CAGE1: variants seen among roughly 807,000 people sequenced by gnomAD.
CAGE1 encodes cancer-associated gene 1 protein.
Under a neutral mutation model 94.9 loss-of-function variants are expected in CAGE1, and 66 were observed. The observed-to-expected ratio is 0.70, with a 90% CI of 0.57 to 0.85. CAGE1 has a LOEUF of 0.85. CAGE1 is among the 40% of genes least tolerant of loss of function. The probability of loss-of-function intolerance (pLI) is 0.00; values close to 1 mark genes in which losing one functional copy is unlikely to be tolerated. For missense variants in CAGE1, 865 were observed against 950.4 expected, an observed-to-expected ratio of 0.91 and a Z score of 1.18; for synonymous variants, 319 against 321.0, an observed-to-expected ratio of 0.99 and a Z score of 0.07.
At chr6:7,331,838 A>G (rs1401875459) in intron 12 of CAGE1, among the ~76,000 whole-genome samples, 3 of 152,216 alleles carry the variant, frequency 2.0e-5, no homozygotes, top group Non-Finnish European at 2.9e-5. Context: ...TGCAAATGGT[A>G]TGCTGAACAA....
At chr6:7,356,778 A>G (rs1196477179) in intron 9 of CAGE1, among the ~76,000 whole-genome samples, 1 of 152,174 alleles carries the variant, frequency 6.6e-6, no homozygotes, top group Non-Finnish European at 1.5e-5. Context: ...ATGTTAAATG[A>G]CTTTTAATCA....
At chr6:7,335,184 T>C (rs1237041156) in intron 11 of CAGE1, among the ~76,000 whole-genome samples, 1 of 152,172 alleles carries the variant, frequency 6.6e-6, no homozygotes, top group Non-Finnish European at 1.5e-5. Context: ...TAAGGACCCC[T>C]GTGATTGCAT....
At chr6:7,369,377 T>C (rs77371854) in intron 6 of CAGE1, among the ~76,000 whole-genome samples, 1 of 152,034 alleles carries the variant, frequency 6.6e-6, no homozygotes, top group East Asian at 1.9e-4. Flanking sequence ...AAGCATCATT[T>C]CCCCATCTTA....
In CAGE1 at chr6:7,355,012, A is replaced by C. The variant is rs377335903; in HGVS notation, c.2369+29T>G. 5 of 1,544,242 alleles carry C rather than the reference A, an allele frequency of 3.2e-6. No individual in the cohort carries two copies. The African/African-American group carries it at 6.8e-5, about 21-fold the overall frequency. ...GAATAAGGTATTAGTAAATATTCAC[A>C]AAATTAAGGATTCGTTTTTTCAACT... On this transcript the variant is annotated intron_variant, in intron 11 of 13. Transcript: ENST00000502583.
intron 12 of CAGE1, 26 bp downstream of exon 12, chr6:7,333,996 A>C (rs1354834049): frequency 7.1e-7 from 1 of 1,404,278 alleles, no homozygotes. Context: ...AGACATTATT[A>C]ATTTTAAAAA....
intron 5 of CAGE1, among the ~76,000 whole-genome samples, chr6:7,372,466 C>CT (rs1760570316): frequency 2.2e-5 from 2 of 89,302 alleles, no homozygotes; most frequent in South Asian, 6.0e-4. Context: ...GCAATACTGT[C>CT]TCAAAAAAAA....
Position 7,378,952 on chromosome 6 carries a change from A to T in CAGE1, c.352T>A (p.Leu118Met). The T allele has an allele frequency of 6.3e-7, 1 of 1,583,506 alleles. No homozygotes were observed. The highest frequency in any genetic ancestry group is 8.6e-7 in the Non-Finnish European group (1 of 1,163,130). The change falls in exon 4 of 14, where the codon TTG becomes ATG. Residue 118 changes from leucine (L) to methionine (M), a missense_variant. Leu to Met is a conservative substitution (Grantham distance 15). Transcript: ENST00000502583. The stretch of plus-strand genomic sequence containing the variant: ...TTGCAAACGGTTTCAAATTGTCTCA[A>T]GGAAGATATGCTGATGGTGTCAACT... ...QPVDTISISS[L>M]RQFETVCKFH...
intron 11 of CAGE1, among the ~76,000 whole-genome samples, chr6:7,337,436 GC>G (rs1397852453): frequency 1.3e-5 from 2 of 150,550 alleles, no homozygotes; most frequent in African/African-American, 4.9e-5. Context: ...AGAAATTGTT[GC>G]CTAACCCAAA....
chr6:7,365,733 C>T (rs1016441657), intron 8 of CAGE1, 71 bp downstream of exon 8: 1 of 1,339,756 alleles, frequency 7.5e-7, no homozygotes, highest in Non-Finnish European at 1.0e-6. Context: ...ACAAATTTAC[C>T]AAAAGAACAT....
chr6:7,358,031 T>G (rs191561019), intron 9 of CAGE1, among the ~76,000 whole-genome samples: 114 of 19,526 alleles, frequency 5.8e-3, no homozygotes, highest in South Asian at 0.03. Context: ...TTTTGAGATA[T>G]ATATATATAT....
Position 7,374,197 on chromosome 6 carries a change from A to C in CAGE1, c.688-66T>G, listed in dbSNP as rs1760656125. On this transcript the variant is annotated intron_variant, in intron 4 of 13. Transcript: ENST00000502583. Reference sequence around the variant, plus strand: ...AAGATAATGAGCTTTCAAGTCAAATAGGGCTGGCCTTGAATTCTATTAGTA... The same window carrying C: ...AAGATAATGAGCTTTCAAGTCAAATCGGGCTGGCCTTGAATTCTATTAGTA... The C allele has an allele frequency of 6.7e-6, 9 of 1,340,832 alleles. No individual in the cohort carries two copies. The South Asian group carries it at 1.2e-4, about 18-fold the overall frequency. 83.1% of individuals were successfully genotyped at this position (1,340,832 alleles called of 1,614,324 possible).
chr6:7,329,319 A>T, intron 13 of CAGE1: 1 of 365,266 alleles, frequency 2.7e-6, no homozygotes, highest in Non-Finnish European at 4.9e-6. Flanking sequence ...AGTTGGTTAG[A>T]TGTGGCCAAT....
intron 4 of CAGE1, among the ~76,000 whole-genome samples, chr6:7,374,751 C>T (rs1043704221): frequency 2.6e-5 from 4 of 152,074 alleles, no homozygotes; most frequent in Non-Finnish European, 2.9e-5. Context: ...GACAGTAGGC[C>T]GGGCGAGGTA....
Position 7,369,957 on chromosome 6 carries a change from T to G in CAGE1, c.1855A>C (p.Ser619Arg). Residue 619 changes from serine (S) to arginine (R), a missense_variant, in exon 6 of 14, where the codon AGT becomes CGT. Transcript: ENST00000502583. ...RASQLASKMH[S>R]LLALMVGLLT... Reference sequence around the variant, plus strand: ...AGTCCCACCATCAGAGCCAGAAGACTGTGCATTTTGGAGGCCAGCTGAGAA... The same window carrying G: ...AGTCCCACCATCAGAGCCAGAAGACGGTGCATTTTGGAGGCCAGCTGAGAA... The G allele has an allele frequency of 6.2e-7, 1 of 1,613,762 alleles. No individual in the cohort carries two copies. The highest frequency in any genetic ancestry group is 8.5e-7 in the Non-Finnish European group (1 of 1,179,786).
intron 11 of CAGE1, among the ~76,000 whole-genome samples, chr6:7,352,290 C>CAAAAAAAAAAAA (rs77426667): frequency 1.4e-4 from 6 of 43,636 alleles, no homozygotes; most frequent in Admixed American, 2.9e-4. Flanking sequence ...ACAATAGCTG[C>CAAAAAAAAAAAA]AAAAAAAAAA....
intron 11 of CAGE1, among the ~76,000 whole-genome samples, chr6:7,338,650 T>C (rs1453043030): frequency 2.6e-5 from 4 of 152,160 alleles, no homozygotes; most frequent in Non-Finnish European, 4.4e-5. Context: ...TACTTTTACC[T>C]GCCATTTTTA....
At chr6:7,370,702 A>G (rs918541165) in intron 5 of CAGE1, among the ~76,000 whole-genome samples, 2 of 152,346 alleles carry the variant, frequency 1.3e-5, no homozygotes, top group Non-Finnish European at 1.5e-5. Flanking sequence ...ATGCTGGCTT[A>G]ATTGAAGATA....
At chr6:7,367,086 C>T (rs146961089) in intron 7 of CAGE1, among the ~76,000 whole-genome samples, 1,538 of 152,086 alleles carry the variant, frequency 0.01, 20 homozygotes, top group African/African-American at 0.035. Flanking sequence ...ATGAACACCA[C>T]GTAACTATCA....
intron 11 of CAGE1, among the ~76,000 whole-genome samples, chr6:7,354,277 T>C (rs1759878955): frequency 6.6e-6 from 1 of 152,186 alleles, no homozygotes. Flanking sequence ...TTACATTTCC[T>C]GAGTATACAA....
Sources: allele counts gnomAD v4.1 joint callset (sites outside exome capture counted in the v4.1 genomes callset), GRCh38; gene constraint gnomAD v4.1.1; transcripts MANE v1.5; gene names NCBI Gene and HGNC (gene_info 2026-07-23, HGNC 2026-07-21).